The following ZNF197 variants were observed in gnomAD, a reference collection of about 807,000 sequenced individuals.
ZNF197 encodes VHL-associated KRAB-A domain-containing protein.
In ZNF197, 14 loss-of-function variants were observed where a neutral mutation model predicts 27.4. The ratio of observed to expected loss-of-function variants is 0.51; its 90% CI spans 0.34 to 0.80. The LOEUF (loss-of-function observed/expected upper bound fraction) is 0.80, where lower values mean the gene tolerates loss of function less well. Among genes scored for constraint, ZNF197 ranks in the 30% least tolerant of loss-of-function variants. The probability of loss-of-function intolerance (pLI) is 0.02; values close to 1 mark genes in which losing one functional copy is unlikely to be tolerated. For missense variants in ZNF197, 1,090 were observed against 1,222.6 expected, an observed-to-expected ratio of 0.89 and a Z score of 1.62; for synonymous variants, 415 against 420.0, an observed-to-expected ratio of 0.99 and a Z score of 0.15.
chr3:44,641,362 T>C (rs1318397987), intron 5 of ZNF197, among the ~76,000 whole-genome samples: 1 of 152,224 alleles, frequency 6.6e-6, no homozygotes, highest in African/African-American at 2.4e-5. Context: ...TTCTAAGAAT[T>C]AAGTTGCTTT....
chr3:44,631,550 G>A (rs941027586), intron 3 of ZNF197, among the ~76,000 whole-genome samples: 10 of 151,688 alleles, frequency 6.6e-5, no homozygotes, highest in South Asian at 2.1e-4. Context: ...ACAGGTGCCC[G>A]CCACTGTGCC....
Position 44,642,036 on chromosome 3 carries a change from A to G in ZNF197, c.906A>G (p.Glu302=). 1 of 1,614,140 alleles carries G rather than the reference A, an allele frequency of 6.2e-7. No individual in the cohort carries two copies. The highest frequency in any genetic ancestry group is 8.5e-7 in the Non-Finnish European group (1 of 1,179,988). Reference sequence around the variant, plus strand: ...TCCTTGATTTTGAAGAAGAGTGTGAATGGCAAGTTTTGGCAAGTCAGTGGG... The same window carrying G: ...TCCTTGATTTTGAAGAAGAGTGTGAGTGGCAAGTTTTGGCAAGTCAGTGGG... ...PQVLDFEEEC[E]WQVLASQWGN... Residue 302 remains glutamate, a synonymous_variant, in exon 6 of 6, where the codon GAA becomes GAG. Coordinates refer to ENST00000344387, the MANE Select transcript of ZNF197 (RefSeq NM_006991.5).
rs1327776530 is a variant in ZNF197, at chr3:44,645,408, TAA to T, written c.*1189_*1190del. The T allele has an allele frequency of 2.0e-6, 2 of 985,388 alleles. No homozygotes were observed. The highest frequency in any genetic ancestry group is 2.3e-4 in the East Asian group (2 of 8,816). The allele number at this position is 985,388 out of a possible 1,614,324, so 61.0% of individuals were successfully genotyped here. A position where few individuals can be genotyped will look rare whatever the true frequency, so the allele number is the denominator to read the frequency against. Reference sequence around the variant, plus strand: ...AATAGCTAACTGGAATTTAGTGTTCTAAGAATAATTTTGTTAAATTTACCTTT... The same window carrying T: ...AATAGCTAACTGGAATTTAGTGTTCTGAATAATTTTGTTAAATTTACCTTT... On this transcript the variant is annotated 3_prime_UTR_variant, in exon 6 of 6. Transcript: ENST00000344387.
chr3:44,629,758 C>T (rs1701877684), intron 2 of ZNF197, among the ~76,000 whole-genome samples: 1 of 152,204 alleles, frequency 6.6e-6, no homozygotes, highest in Non-Finnish European at 1.5e-5. Context: ...TCGGGTCCAA[C>T]TGAGAAGCAG....
chr3:44,633,425 A>G (rs1702115851), intron 5 of ZNF197, among the ~76,000 whole-genome samples: 1 of 152,254 alleles, frequency 6.6e-6, no homozygotes, highest in African/African-American at 2.4e-5. Context: ...AATAATTGGT[A>G]CAAGAGTGGC....
At chr3:44,632,411 G>A (rs1196812738) in intron 4 of ZNF197, 62 bp from the exon 5 acceptor site, 20 of 1,542,998 alleles carry the variant, frequency 1.3e-5, no homozygotes, top group Non-Finnish European at 1.7e-5. Flanking sequence ...CAGAAGTGAA[G>A]GGAACCTTTC....
In ZNF197 at chr3:44,643,165, G is replaced by C. The variant is rs776839026; in HGVS notation, c.2035G>C (p.Glu679Gln). The change falls in exon 6 of 6, where the codon GAA becomes CAA. Residue 679 changes from glutamate to glutamine, a missense_variant. Glu to Gln is a conservative substitution (Grantham distance 29). Transcript: ENST00000344387. ...QRFHTGENLY[E>Q]CKDCGKVFGS... Reference sequence around the variant, plus strand: ...GTTCCACACTGGAGAGAATCTCTATGAATGTAAAGATTGTGGTAAGGTCTT... The same window carrying C: ...GTTCCACACTGGAGAGAATCTCTATCAATGTAAAGATTGTGGTAAGGTCTT... 3 of 1,612,216 alleles carry C rather than the reference G, an allele frequency of 1.9e-6. No homozygotes were observed. The highest frequency in any genetic ancestry group is 3.4e-5 in the Admixed American group (2 of 59,612).
In ZNF197 at chr3:44,644,392, A is replaced by C; in HGVS notation, c.*172A>C. ...GGTGGCTCATGCCTGTAATCCCAGCACTTTGAGAGGCCGAAGCGAGTGGAT... is the reference window on the plus strand; with the variant it reads ...GGTGGCTCATGCCTGTAATCCCAGCCCTTTGAGAGGCCGAAGCGAGTGGAT... On this transcript the variant is annotated 3_prime_UTR_variant, in exon 6 of 6. Coordinates refer to ENST00000344387, the MANE Select transcript of ZNF197 (RefSeq NM_006991.5). The C allele has an allele frequency of 7.3e-7, 1 of 1,362,950 alleles. No individual in the cohort carries two copies. The highest frequency in any genetic ancestry group is 9.4e-7 in the Non-Finnish European group (1 of 1,062,728). 84.4% of individuals were successfully genotyped at this position (1,362,950 alleles called of 1,614,324 possible).
intron 1 of ZNF197, among the ~76,000 whole-genome samples, chr3:44,625,427 A>T (rs1701589618): frequency 6.6e-6 from 1 of 152,282 alleles, no homozygotes; most frequent in South Asian, 2.1e-4. Context: ...GAGCTGCCTC[A>T]GTAGCCTGCT....
chr3:44,639,948 A>C (rs544778426), intron 5 of ZNF197, among the ~76,000 whole-genome samples: 10 of 152,248 alleles, frequency 6.6e-5, no homozygotes, highest in Admixed American at 6.5e-4. Context: ...TAGGCAATGA[A>C]GAGTTAGGTG....
Position 44,643,972 on chromosome 3 carries a change from CACCAGAGAATTCACACAGGGGAGAA to C in ZNF197, c.2846_2870del (p.Gln949ProfsTer81), listed in dbSNP as rs1702792461. ...TACTTCTAAGAGGAATTTAGTTGGC[CACCAGAGAATTCACACAGGGGAGAA>C]ACCCTATGGGTGTAATGATTGTAGT... On this transcript the variant is annotated frameshift_variant, in exon 6 of 6. Transcript: ENST00000344387. LOFTEE classifies it low-confidence loss of function (END_TRUNC). 6.2e-7 allele frequency: 1 copy of C among 1,613,962 alleles called. No homozygotes were observed. Among genetic ancestry groups the C allele is most frequent in the African/African-American group, 1.3e-5 (1 of 74,892 alleles).
chr3:44,625,743 C>T (rs1275793652), intron 1 of ZNF197, among the ~76,000 whole-genome samples: 3 of 97,250 alleles, frequency 3.1e-5, no homozygotes, highest in Non-Finnish European at 5.8e-5. Flanking sequence ...CCTTTGCGCG[C>T]GCGCGCGCAC....
intron 5 of ZNF197, among the ~76,000 whole-genome samples, chr3:44,641,449 T>C (rs1337394747): frequency 3.3e-5 from 5 of 152,210 alleles, no homozygotes; most frequent in African/African-American, 1.2e-4. Context: ...TTTCAAAAAT[T>C]AAAAATTGCC....
chr3:44,643,904 C>T lies in ZNF197; in HGVS notation c.2774C>T (p.Thr925Ile). 1 of 1,613,850 alleles carries T rather than the reference C, an allele frequency of 6.2e-7. No homozygotes were observed. The highest frequency in any genetic ancestry group is 1.3e-5 in the African/African-American group (1 of 75,022). ...CTTGTTGTACATCAGAGAATGCACA[C>T]TGGGGAAAAACCTTATGAGTGTGAC... is the stretch of plus-strand genomic sequence containing the variant. The part of the protein sequence containing the change: ...KNLVVHQRMH[T>I]GEKPYECDKC... Residue 925 changes from threonine (T) to isoleucine (I), a missense_variant, in exon 6 of 6, where the codon ACT becomes ATT. Transcript: ENST00000344387.
chr3:44,643,211 T>C lies in ZNF197; in HGVS notation c.2081T>C (p.Ile694Thr), dbSNP rs150554547. Residue 694 changes from isoleucine to threonine, a missense_variant, in exon 6 of 6, where the codon ATT becomes ACT. Ile to Thr is a moderately conservative substitution (Grantham distance 89). Transcript: ENST00000344387. ...GKVFGSNRNLIDHERLHNGEK... is the reference protein window; with the variant it reads ...GKVFGSNRNLTDHERLHNGEK... ...GTCTTCGGTTCAAACAGAAACCTCA[T>C]TGACCATGAGAGACTCCACAATGGG... The C allele has an allele frequency of 1.1e-5, 18 of 1,613,786 alleles. No individual in the cohort carries two copies. The highest frequency in any genetic ancestry group is 1.6e-4 in the Middle Eastern group (1 of 6,084).
chr3:44,643,886 T>C lies in ZNF197; in HGVS notation c.2756T>C (p.Val919Ala). Residue 919 changes from valine to alanine, a missense_variant, in exon 6 of 6, where the codon GTA becomes GCA. Coordinates refer to ENST00000344387, the MANE Select transcript of ZNF197 (RefSeq NM_006991.5). The part of the protein sequence containing the change: ...KDFSQNKNLV[V>A]HQRMHTGEKP... ...TTTAGTCAGAATAAAAACCTTGTTG[T>C]ACATCAGAGAATGCACACTGGGGAA... The C allele has an allele frequency of 1.2e-6, 2 of 1,613,812 alleles. No individual in the cohort carries two copies. Among genetic ancestry groups the C allele is most frequent in the South Asian group, 2.2e-5 (2 of 90,992 alleles).
intron 5 of ZNF197, among the ~76,000 whole-genome samples, chr3:44,637,738 T>G (rs1292394705): frequency 6.6e-6 from 1 of 152,202 alleles, no homozygotes; most frequent in Non-Finnish European, 1.5e-5. Flanking sequence ...CATTGCATTG[T>G]TTTGGCACCC....
Position 44,645,870 on chromosome 3 carries a change from G to C in ZNF197, c.*1650G>C, listed in dbSNP as rs1336214464. On this transcript the variant is annotated 3_prime_UTR_variant, in exon 6 of 6. Coordinates refer to ENST00000344387, the MANE Select transcript of ZNF197 (RefSeq NM_006991.5). Reference sequence around the variant, plus strand: ...CCCCTGTGAACCATTCTGTGCCCTTGAGTACATTTGTGGGTTTAACTCAGT... The same window carrying C: ...CCCCTGTGAACCATTCTGTGCCCTTCAGTACATTTGTGGGTTTAACTCAGT... The C allele has an allele frequency of 1.0e-6, 1 of 985,314 alleles. No individual in the cohort carries two copies. The highest frequency in any genetic ancestry group is 1.7e-5 in the African/African-American group (1 of 57,242). 61.0% of individuals were successfully genotyped at this position (985,314 alleles called of 1,614,324 possible). A position where few individuals can be genotyped will look rare whatever the true frequency, so the allele number is the denominator to read the frequency against.
rs1189307946 is a variant in ZNF197, at chr3:44,644,673, A to C, written c.*453A>C. 1 of 987,184 alleles carries C rather than the reference A, an allele frequency of 1.0e-6. No homozygotes were observed. The highest frequency in any genetic ancestry group is 6.1e-5 in the Admixed American group (1 of 16,522). The allele number at this position is 987,184 out of a possible 1,614,324, so 61.2% of individuals were successfully genotyped here. On this transcript the variant is annotated 3_prime_UTR_variant, in exon 6 of 6. Coordinates refer to ENST00000344387, the MANE Select transcript of ZNF197 (RefSeq NM_006991.5). ...AAAGTTCATCCCAACTTTCAAGTCT[A>C]CAAAAACATAATCCAAATCTAATAA...
Sources: allele counts gnomAD v4.1 joint callset (sites outside exome capture counted in the v4.1 genomes callset), GRCh38; gene constraint gnomAD v4.1.1; transcripts MANE v1.5; gene names NCBI Gene and HGNC (gene_info 2026-07-23, HGNC 2026-07-21).